The following ANO1 variants were observed in gnomAD, a reference collection of about 807,000 sequenced individuals.
ANO1 encodes the protein anoctamin-1.
Under a neutral mutation model 124.0 loss-of-function variants are expected in ANO1, and 59 were observed. The observed-to-expected ratio is 0.48, with a 90% CI of 0.39 to 0.59. The LOEUF (loss-of-function observed/expected upper bound fraction) is 0.59, where lower values mean the gene tolerates loss of function less well. ANO1 is among the 20% of genes least tolerant of loss of function. The probability of loss-of-function intolerance (pLI) is 0.00; values close to 1 mark genes in which losing one functional copy is unlikely to be tolerated. For missense variants in ANO1, 1,059 were observed against 1,328.0 expected (o/e 0.80, Z 3.15); for synonymous variants, 529 against 532.0 (o/e 0.99, Z 0.08).
At chr11:70,059,036 C>CA (rs1302099767) in intron 1 of ANO1, among the ~76,000 whole-genome samples, 30 of 149,692 alleles carry the variant, frequency 2.0e-4, no homozygotes, top group African/African-American at 7.1e-4. Context: ...AAAAAAAACA[C>CA]AAAAAATTAG....
At chr11:70,094,402 C>A (rs1028923329) in intron 2 of ANO1, among the ~76,000 whole-genome samples, 2 of 152,306 alleles carry the variant, frequency 1.3e-5, no homozygotes, top group Admixed American at 1.3e-4. Flanking sequence ...GCCCTGGGCA[C>A]TGGCAGGGGC....
Position 70,111,731 on chromosome 11 carries a change from G to C in ANO1, c.824G>C (p.Gly275Ala), listed in dbSNP as rs770002534. ...GGCATCACGAGCCTGCTGGCCAATG[G>C]TGTGTACGCGGCTGCATACCCACTG... The part of the protein sequence containing the change: ...SMGITSLLAN[G>A]VYAAAYPLHD... The change falls in exon 7 of 26, where the codon GGT (glycine) becomes GCT (alanine). Residue 275 changes from glycine to alanine, a missense_variant. Gly to Ala is a moderately conservative substitution (Grantham distance 60, BLOSUM62 0). This residue lies in a region of ANO1 where 809 missense variants were observed against 1,094.9 expected (regional missense o/e 0.74). Coordinates refer to ENST00000355303, the MANE Select transcript of ANO1 (RefSeq NM_018043.7). The C allele has an allele frequency of 2.7e-5, 44 of 1,613,896 alleles. No homozygotes were observed. The highest frequency in any genetic ancestry group is 3.5e-5 in the Non-Finnish European group (41 of 1,179,906).
intron 11 of ANO1, among the ~76,000 whole-genome samples, chr11:70,138,758 T>G (rs2047044695): frequency 6.6e-6 from 1 of 152,206 alleles, no homozygotes; most frequent in South Asian, 2.1e-4. Context: ...ATAACTTTTT[T>G]TTTTAGTTGC....
At chr11:70,052,980 G>A (rs1857377436) in intron 1 of ANO1, among the ~76,000 whole-genome samples, 2 of 152,094 alleles carry the variant, frequency 1.3e-5, no homozygotes, top group Admixed American at 6.6e-5. Flanking sequence ...TTGAAGTCAT[G>A]CATCTTTTTT....
upstream of ANO1, among the ~76,000 whole-genome samples, chr11:69,983,987 G>A (rs976353765): frequency 6.6e-6 from 1 of 152,144 alleles, no homozygotes; most frequent in Admixed American, 6.5e-5. Context: ...GGTAAATAAT[G>A]ACAGTTAAAA....
At chr11:70,020,009 C>T (rs1486505690) in intron 1 of ANO1, among the ~76,000 whole-genome samples, 1 of 152,198 alleles carries the variant, frequency 6.6e-6, no homozygotes, top group Non-Finnish European at 1.5e-5. Context: ...AATCTCTAGG[C>T]TTCCCCCGGA....
intron 1 of ANO1, among the ~76,000 whole-genome samples, chr11:70,044,354 A>G (rs991442399): frequency 1.3e-5 from 2 of 152,134 alleles, no homozygotes; most frequent in African/African-American, 4.8e-5. Flanking sequence ...ACACACTCCA[A>G]TTAAAAGGCA....
rs114729984 is a variant in ANO1 at position 69,993,409 on chromosome 11, G to T, written c.58+7243G>T. 4.4e-3 allele frequency among the ~76,000 whole-genome samples: 668 copies of T among 152,314 alleles called. 6 individuals are homozygous for T. Among genetic ancestry groups the T allele is most frequent in the African/African-American group, 0.015 (636 of 41,558 alleles). The stretch of plus-strand genomic sequence containing the variant: ...GGCATAATCTGGCATAATGTTTATT[G>T]CATTGTGTTTCCTGGACCATCAACA... On this transcript the variant is annotated intron_variant, in intron 1 of 27. Coordinates refer to the ANO1 transcript ENST00000531349.
intron 4 of ANO1, 95 bp from the exon 5 acceptor site, chr11:70,105,639 C>A: frequency 1.7e-6 from 2 of 1,166,646 alleles, no homozygotes; most frequent in Non-Finnish European, 2.6e-6. Flanking sequence ...ACGGTCACGG[C>A]TAATGGGGAC....
Position 70,103,994 on chromosome 11 carries a change from T to C in ANO1, c.541-5T>C, listed in dbSNP as rs376293612. 14 of 1,611,172 alleles carry C rather than the reference T, an allele frequency of 8.7e-6. No homozygotes were observed. In the African/African-American group the frequency reaches 1.3e-4, roughly 15 times the overall value. On this transcript the variant is annotated splice_polypyrimidine_tract_variant and splice_region_variant and intron_variant, in intron 3 of 25. Transcript: ENST00000355303. ...CAGCTCCCCGGTCCCTTGTCTTATC[T>C]GCAGATGTACCACATTAATGAGACC...
At chr11:70,131,806 C>G in intron 10 of ANO1, 113 bp from the exon 11 acceptor site, 1 of 1,330,030 alleles carries the variant, frequency 7.5e-7, no homozygotes, top group Non-Finnish European at 1.0e-6. Context: ...CCTGAGGGAC[C>G]CTCGCCAACC....
At chr11:70,091,919 T>C (rs1405043248) in intron 2 of ANO1, among the ~76,000 whole-genome samples, 1 of 152,204 alleles carries the variant, frequency 6.6e-6, no homozygotes, top group Non-Finnish European at 1.5e-5. Flanking sequence ...GGGCCAGTTC[T>C]TGGAGATCGG....
chr11:70,126,011 C>A, intron 9 of ANO1, 50 bp from the exon 10 acceptor site: 2 of 1,546,670 alleles, frequency 1.3e-6, no homozygotes, highest in South Asian at 2.5e-5. Flanking sequence ...TGTTTCCCTG[C>A]TAGTATTGAA....
chr11:70,142,485 C>T (rs1452677373), intron 11 of ANO1, among the ~76,000 whole-genome samples: 1 of 152,172 alleles, frequency 6.6e-6, no homozygotes, highest in Non-Finnish European at 1.5e-5. Context: ...GTGTCCCACC[C>T]ATCTCTGCCG....
chr11:70,138,506 C>A (rs1044535211), intron 11 of ANO1, among the ~76,000 whole-genome samples: 104 of 125,814 alleles, frequency 8.3e-4, no homozygotes, highest in South Asian at 1.8e-3. Flanking sequence ...AAGTCCGTCT[C>A]AAAAAAAAAA....
chr11:70,054,824 G>A (rs556400722), intron 1 of ANO1, among the ~76,000 whole-genome samples: 20 of 152,060 alleles, frequency 1.3e-4, no homozygotes, highest in South Asian at 4.2e-4. Context: ...TTAGCTTCCC[G>A]AGTCATAAAT....
Position 70,114,491 on chromosome 11 carries a change from G to C in ANO1, c.856-1967G>C, listed in dbSNP as rs906945993. 2.3e-4 allele frequency among the ~76,000 whole-genome samples: 35 copies of C among 152,238 alleles called. 2 individuals are homozygous for C. The highest frequency in any genetic ancestry group is 2.3e-3 in the Admixed American group (35 of 15,278). On this transcript the variant is annotated intron_variant, in intron 7 of 25. Transcript: ENST00000355303. ...CATGGTGAGGCTCTCACTGCATGCA[G>C]TGTAGTTCTGGCTTTACATTTTTGC...
intron 22 of ANO1, among the ~76,000 whole-genome samples, chr11:70,174,118 T>G (rs907277099): frequency 3.3e-5 from 5 of 151,282 alleles, no homozygotes; most frequent in East Asian, 2.0e-4. Flanking sequence ...TTGTATTTTT[T>G]TAGTAGAGAC....
rs372506351 is a variant in ANO1 at position 70,087,921 on chromosome 11, G to A, written c.278G>A (p.Arg93His). 82 of 1,607,618 alleles carry A rather than the reference G, an allele frequency of 5.1e-5. No individual in the cohort carries two copies. Among genetic ancestry groups the A allele is most frequent in the East Asian group, 3.6e-4 (16 of 44,654 alleles). Residue 93 changes from arginine to histidine, a missense_variant, in exon 2 of 26, where the codon CGC (arginine) becomes CAC (histidine). Transcript: ENST00000355303. ...VQHSDTPSGA[R>H]SVKQDHPLPG... Reference sequence around the variant, plus strand: ...CACAGCGACACCCCCTCTGGGGCTCGCAGCGTCAAGCAGGACCACCCCCTG... The same window carrying A: ...CACAGCGACACCCCCTCTGGGGCTCACAGCGTCAAGCAGGACCACCCCCTG...
Sources: gnomAD v4.1 joint callset for allele counts (sites outside exome capture counted in the v4.1 genomes callset) on GRCh38, gnomAD v4.1.1 for gene constraint, gnomAD v4.1.1 regional missense constraint, MANE v1.5 for transcripts, NCBI Gene and HGNC (gene_info 2026-07-23, HGNC 2026-07-21) for gene names.